Variants in METTL15 observed in about 807,000 individuals in gnomAD.
The protein encoded by METTL15 is methyltransferase 15, mitochondrial 12S rRNA N4-cytidine, also known as 12S rRNA N(4)-cytidine methyltransferase METTL15.
In METTL15, 34 loss-of-function variants were observed where a neutral mutation model predicts 38.3. The ratio of observed to expected loss-of-function variants is 0.89; its 90% CI spans 0.68 to 1.18. METTL15 has a LOEUF of 1.18. Among genes scored for constraint, METTL15 ranks in the 50% most tolerant of loss-of-function variants. The pLI is 0.00. For missense variants in METTL15, 438 were observed against 498.4 expected (o/e 0.88, Z 1.15); for synonymous variants, 162 against 170.9 (o/e 0.95, Z 0.41).
At chr11:28,512,738 G>A (rs1851686575) in intron 6 of METTL15, among the ~76,000 whole-genome samples, 1 of 152,230 alleles carries the variant, frequency 6.6e-6, no homozygotes, top group Non-Finnish European at 1.5e-5. Flanking sequence ...TGCAAGCTGA[G>A]GGAGCCAGCT....
At chr11:28,505,169 G>T (rs570018177) in intron 6 of METTL15, among the ~76,000 whole-genome samples, 12 of 152,052 alleles carry the variant, frequency 7.9e-5, no homozygotes, top group Admixed American at 3.9e-4. Flanking sequence ...AGTGTAACTC[G>T]GTGTGTATGT....
chr11:28,314,166 C>G (rs1416790702), intron 6 of METTL15, among the ~76,000 whole-genome samples: 1 of 152,174 alleles, frequency 6.6e-6, no homozygotes, highest in Non-Finnish European at 1.5e-5. Flanking sequence ...GTCTGTTGGT[C>G]TTTCAACAAG....
chr11:28,193,330 G>A (rs1017531766), intron 3 of METTL15, among the ~76,000 whole-genome samples: 3 of 152,108 alleles, frequency 2.0e-5, no homozygotes, highest in Non-Finnish European at 2.9e-5. Flanking sequence ...GGAGAACTCA[G>A]GAAACTTACA....
chr11:28,139,859 C>T (rs146525650), intron 3 of METTL15, among the ~76,000 whole-genome samples: 3 of 152,318 alleles, frequency 2.0e-5, no homozygotes, highest in Non-Finnish European at 4.4e-5. Flanking sequence ...GAGAAAATGC[C>T]TGAGGGAAAA....
intron 6 of METTL15, among the ~76,000 whole-genome samples, chr11:28,522,662 G>T (rs1001205163): frequency 1.3e-5 from 2 of 152,140 alleles, no homozygotes; most frequent in African/African-American, 4.8e-5. Flanking sequence ...TCACAAGAAG[G>T]CAGAAGGAGC....
intron 6 of METTL15, among the ~76,000 whole-genome samples, chr11:28,324,830 TAGAA>T (rs1345070139): frequency 6.6e-6 from 1 of 152,158 alleles, no homozygotes; most frequent in Non-Finnish European, 1.5e-5. Flanking sequence ...GGTGGATAAG[TAGAA>T]AGAACAATCG....
chr11:28,387,967 A>G (rs1183719258), intron 5 of METTL15, among the ~76,000 whole-genome samples: 1 of 152,124 alleles, frequency 6.6e-6, no homozygotes, highest in Non-Finnish European at 1.5e-5. Context: ...CATCTCAATT[A>G]ATGCAGAAAA....
At chr11:28,430,292 C>G (rs1278455923) in intron 6 of METTL15, among the ~76,000 whole-genome samples, 1 of 139,812 alleles carries the variant, frequency 7.2e-6, no homozygotes, top group Admixed American at 6.9e-5. Context: ...TCAGCCCCCC[C>G]GCCCGGCCAG....
intron 6 of METTL15, among the ~76,000 whole-genome samples, chr11:28,510,335 T>C (rs1036556845): frequency 6.6e-6 from 1 of 152,174 alleles, no homozygotes; most frequent in Non-Finnish European, 1.5e-5. Context: ...TTTGCATCTG[T>C]TTGTTTATTT....
chr11:28,503,757 C>CT (rs558549939), intron 6 of METTL15, among the ~76,000 whole-genome samples: 2 of 151,630 alleles, frequency 1.3e-5, no homozygotes, highest in African/African-American at 4.9e-5. Flanking sequence ...TGCCACTGCA[C>CT]TCCAGCCTGG....
chr11:28,228,292 G>A (rs971915826), intron 4 of METTL15, among the ~76,000 whole-genome samples: 5 of 151,758 alleles, frequency 3.3e-5, no homozygotes, highest in African/African-American at 4.8e-5. Flanking sequence ...CCAGACTGCT[G>A]AGCTTTTTCT....
At chr11:28,403,102 C>G (rs1026971993) in intron 5 of METTL15, among the ~76,000 whole-genome samples, 2 of 152,034 alleles carry the variant, frequency 1.3e-5, no homozygotes, top group Non-Finnish European at 2.9e-5. Flanking sequence ...AAGATCTCTA[C>G]TTTCAGTCAT....
chr11:28,340,645 T>C (rs182040070), intron 3 of METTL15, among the ~76,000 whole-genome samples: 14 of 152,136 alleles, frequency 9.2e-5, no homozygotes, highest in African/African-American at 2.2e-4. Flanking sequence ...CCAGCTAGAA[T>C]GGTGATCATT....
intron 3 of METTL15, among the ~76,000 whole-genome samples, chr11:28,117,387 A>G (rs1852022512): frequency 6.6e-6 from 1 of 151,526 alleles, no homozygotes; most frequent in African/African-American, 2.4e-5. Flanking sequence ...AGCACATTGT[A>G]TTAGTTTATT....
At chr11:28,379,752 A>G (rs765498608) in intron 5 of METTL15, among the ~76,000 whole-genome samples, 1 of 152,074 alleles carries the variant, frequency 6.6e-6, no homozygotes, top group Admixed American at 6.5e-5. Context: ...TTTAACTCCA[A>G]TATTTCTTTG....
chr11:28,487,291 T>A (rs968366626), intron 6 of METTL15, among the ~76,000 whole-genome samples: 2 of 152,162 alleles, frequency 1.3e-5, no homozygotes, highest in African/African-American at 4.8e-5. Context: ...AAAATTGAAA[T>A]AACTAAAAGC....
chr11:28,530,744 A>T (rs1851839631), downstream of METTL15, among the ~76,000 whole-genome samples: 1 of 152,094 alleles, frequency 6.6e-6, no homozygotes, highest in South Asian at 2.1e-4. Context: ...GACCATGAAG[A>T]TATATTATTT....
At chr11:28,404,369 C>T (rs776956777) in intron 5 of METTL15, among the ~76,000 whole-genome samples, 4 of 152,052 alleles carry the variant, frequency 2.6e-5, no homozygotes, top group African/African-American at 9.7e-5. Context: ...ATGTATTACT[C>T]ACAGTTCTAG....
intron 6 of METTL15, among the ~76,000 whole-genome samples, chr11:28,323,822 C>T (rs994856363): frequency 4.6e-5 from 7 of 152,156 alleles, no homozygotes; most frequent in African/African-American, 2.4e-5. Context: ...TCTTAAAATA[C>T]ACCACCATCA....
Sources: allele counts gnomAD v4.1 joint callset (sites outside exome capture counted in the v4.1 genomes callset), GRCh38; gene constraint gnomAD v4.1.1; transcripts MANE v1.5; gene names NCBI Gene and HGNC (gene_info 2026-07-23, HGNC 2026-07-21).